The following MCPH1 variants were observed in gnomAD, a reference collection of about 807,000 sequenced individuals.
MCPH1 encodes the protein microcephalin.
In MCPH1, 104 loss-of-function variants were observed where a neutral mutation model predicts 84.5. The ratio of observed to expected loss-of-function variants is 1.23; its 90% CI spans 1.05 to 1.45. The LOEUF (loss-of-function observed/expected upper bound fraction) is 1.45. Among genes scored for constraint, MCPH1 ranks in the 40% most tolerant of loss-of-function variants. The pLI is 0.00. For missense variants in MCPH1, 1,498 were observed against 1,005.7 expected (o/e 1.49, Z -6.62); for synonymous variants, 514 against 366.8 (o/e 1.40, Z -4.58).
At position 6,406,776 on chromosome 8, in the gene MCPH1, G is replaced by A. The variant is rs371166403; in HGVS notation, c.22+87G>A. Reference sequence around the variant, plus strand: ...CGGGCGCACTCGGGGGATCCCGTGGGAGGAGCCCCGCTCGCCCCTCCCTCG... The same window carrying A: ...CGGGCGCACTCGGGGGATCCCGTGGAAGGAGCCCCGCTCGCCCCTCCCTCG... On this transcript the variant is annotated intron_variant, in intron 1 of 13. Transcript: ENST00000344683. 2.1e-5 allele frequency: 31 copies of A among 1,461,336 alleles called. No homozygotes were observed. In the East Asian group the frequency reaches 6.2e-4, roughly 29 times the overall value. 90.5% of individuals were successfully genotyped at this position (1,461,336 alleles called of 1,614,324 possible). A position where few individuals can be genotyped will look rare whatever the true frequency, so the allele number is the denominator to read the frequency against.
At chr8:6,466,303 ATTT>A (rs749976037) in intron 9 of MCPH1, among the ~76,000 whole-genome samples, 3 of 138,468 alleles carry the variant, frequency 2.2e-5, no homozygotes, top group Non-Finnish European at 4.7e-5. Context: ...CGCCTGGCTA[ATTT>A]TTTTTTTTTT....
At chr8:6,609,104 T>C (rs1434795010) in intron 12 of MCPH1, among the ~76,000 whole-genome samples, 1 of 152,254 alleles carries the variant, frequency 6.6e-6, no homozygotes, top group Non-Finnish European at 1.5e-5. Flanking sequence ...TTTACAAATT[T>C]CTATGCCACC....
At chr8:6,494,976 AT>A (rs1468690131) in intron 11 of MCPH1, among the ~76,000 whole-genome samples, 1 of 152,204 alleles carries the variant, frequency 6.6e-6, no homozygotes, top group Admixed American at 6.5e-5. Context: ...ATAGGTTTGT[AT>A]TTTTAAAAGA....
In MCPH1 at chr8:6,438,050, T is replaced by G. The variant is rs557724286; in HGVS notation, c.437-903T>G. Among the ~76,000 whole-genome samples, 9 of 152,270 alleles carry G rather than the reference T, an allele frequency of 5.9e-5. 1 individual carries two copies. Among genetic ancestry groups the G allele is most frequent in the Admixed American group, 5.9e-4 (9 of 15,300 alleles). On this transcript the variant is annotated intron_variant, in intron 5 of 13. Transcript: ENST00000344683. The stretch of plus-strand genomic sequence containing the variant: ...TCCTGTATTTAACATATCCTCCAAT[T>G]TACTAGGTGCTTTATGATCTGGCCT...
intron 12 of MCPH1, chr8:6,501,534 C>G (rs1006071191): frequency 2.0e-5 from 3 of 150,432 alleles, no homozygotes; most frequent in Non-Finnish European, 4.4e-5. Flanking sequence ...AAGCTGTGTT[C>G]TCAAATTTTC....
intron 12 of MCPH1, chr8:6,618,662 T>C (rs1831103810): frequency 6.6e-6 from 1 of 152,204 alleles, no homozygotes; most frequent in African/African-American, 2.4e-5. Context: ...TTATTCATAA[T>C]CTCAATGATG....
At chr8:6,607,889 A>G (rs1162801345) in intron 12 of MCPH1, among the ~76,000 whole-genome samples, 1 of 152,366 alleles carries the variant, frequency 6.6e-6, no homozygotes, top group Non-Finnish European at 1.5e-5. Flanking sequence ...TATCAGCAGC[A>G]TGAAAACGGA....
intron 1 of MCPH1, among the ~76,000 whole-genome samples, chr8:6,408,754 G>C (rs996650189): frequency 6.6e-6 from 1 of 151,862 alleles, no homozygotes; most frequent in Admixed American, 6.6e-5. Context: ...TTAGAGACAG[G>C]GTTTCACTAT....
At chr8:6,541,476 T>C (rs942439631) in intron 12 of MCPH1, among the ~76,000 whole-genome samples, 8 of 152,082 alleles carry the variant, frequency 5.3e-5, no homozygotes, top group African/African-American at 1.9e-4. Flanking sequence ...AGGGCAGGCC[T>C]GGAGACAGGA....
At chr8:6,432,082 A>G (rs1420937422) in intron 4 of MCPH1, among the ~76,000 whole-genome samples, 2 of 152,218 alleles carry the variant, frequency 1.3e-5, no homozygotes, top group Non-Finnish European at 2.9e-5. Context: ...CAAGTCCCTT[A>G]TATAAAATGC....
At chr8:6,463,452 A>AT (rs1806502835) in intron 9 of MCPH1, among the ~76,000 whole-genome samples, 1 of 152,244 alleles carries the variant, frequency 6.6e-6, no homozygotes, top group African/African-American at 2.4e-5. Context: ...AAAAGAAAGT[A>AT]TATTTCAGAG....
chr8:6,557,161 A>C (rs17624022), intron 12 of MCPH1, among the ~76,000 whole-genome samples: 18,350 of 152,202 alleles, frequency 0.12, 1,272 homozygotes, highest in South Asian at 0.17. Context: ...AGCCCCACGG[A>C]AAATTCTGCT....
rs7005212 is a variant in MCPH1 at position 6,481,174 on chromosome 8, T to C, written c.2136+298T>C. On this transcript the variant is annotated intron_variant, in intron 11 of 13. Transcript: ENST00000344683. ...GATGCTGAAAGAAACGCAAGATGCA[T>C]GTTCTCACAGTCAAAGAGCTTTCCT... Among the ~76,000 whole-genome samples, 3,215 of 152,280 alleles carry C rather than the reference T, an allele frequency of 0.021. 110 individuals are homozygous for C. The highest frequency in any genetic ancestry group is 0.074 in the African/African-American group (3,061 of 41,532).
chr8:6,472,234 T>C (rs1807819376), intron 9 of MCPH1, among the ~76,000 whole-genome samples: 1 of 152,098 alleles, frequency 6.6e-6, no homozygotes, highest in African/African-American at 2.4e-5. Flanking sequence ...ACCAAGAATA[T>C]CACATCAAGA....
chr8:6,469,739 G>T (rs7814969), intron 9 of MCPH1, among the ~76,000 whole-genome samples: 9 of 152,124 alleles, frequency 5.9e-5, no homozygotes, highest in Non-Finnish European at 8.8e-5. Context: ...AATAAAACGG[G>T]TATATCTGTT....
At chr8:6,515,033 T>A (rs1815979320) in intron 12 of MCPH1, among the ~76,000 whole-genome samples, 1 of 152,214 alleles carries the variant, frequency 6.6e-6, no homozygotes, top group South Asian at 2.1e-4. Context: ...GACTCACTTG[T>A]CATCATCTGT....
intron 12 of MCPH1, among the ~76,000 whole-genome samples, chr8:6,570,683 T>A (rs922454783): frequency 6.6e-6 from 1 of 152,210 alleles, no homozygotes; most frequent in Non-Finnish European, 1.5e-5. Context: ...ATGAGACTTC[T>A]CAGGTGCTTG....
Position 6,646,715 on chromosome 8 carries a change from C to G in MCPH1, c.*3666C>G, listed in dbSNP as rs1798233211. On this transcript the variant is annotated 3_prime_UTR_variant, in exon 14 of 14. Transcript: ENST00000344683. ...ATGTTTAGCTGCATCCTGGCCTCTGCCTATTAGATGCCAGTGGCATCCCTC... is the reference window on the plus strand; with the variant it reads ...ATGTTTAGCTGCATCCTGGCCTCTGGCTATTAGATGCCAGTGGCATCCCTC... 6.6e-6 allele frequency: 1 copy of G among 152,176 alleles called. No individual in the cohort carries two copies. Among genetic ancestry groups the G allele is most frequent in the South Asian group, 2.1e-4 (1 of 4,826 alleles). 9.4% of individuals were successfully genotyped at this position (152,176 alleles called of 1,614,324 possible). A position where few individuals can be genotyped will look rare whatever the true frequency, so the allele number is the denominator to read the frequency against.
intron 12 of MCPH1, among the ~76,000 whole-genome samples, chr8:6,527,263 A>G (rs976906411): frequency 1.3e-5 from 2 of 151,146 alleles, no homozygotes; most frequent in Middle Eastern, 3.2e-3. Flanking sequence ...CACTAGCTGT[A>G]TTTTTATAAT....
Sources: gnomAD v4.1 joint callset for allele counts (sites outside exome capture counted in the v4.1 genomes callset) on GRCh38, gnomAD v4.1.1 for gene constraint, MANE v1.5 for transcripts, NCBI Gene and HGNC (gene_info 2026-07-23, HGNC 2026-07-21) for gene names.